The following CSNK1G1 variants were observed in gnomAD, a reference collection of about 807,000 sequenced individuals.
The protein encoded by CSNK1G1 is casein kinase I isoform gamma-1.
Under a neutral mutation model 59.6 loss-of-function variants are expected in CSNK1G1, and 22 were observed. The observed-to-expected ratio is 0.37, with a 90% confidence interval of 0.26 to 0.53. The LOEUF (loss-of-function observed/expected upper bound fraction) is 0.53, where lower values mean the gene tolerates loss of function less well. Among genes scored for constraint, CSNK1G1 ranks in the 20% least tolerant of loss-of-function variants. CSNK1G1 has a pLI of 0.89. For synonymous variants in CSNK1G1, 179 were observed against 177.1 expected, an observed-to-expected ratio of 1.01 and a Z score of -0.08; for missense variants, 384 against 519.5, an observed-to-expected ratio of 0.74 and a Z score of 2.54.
chr15:64,282,099 T>C (rs1566932541), intron 2 of CSNK1G1, among the ~76,000 whole-genome samples: 1 of 151,518 alleles, frequency 6.6e-6, no homozygotes. Context: ...TTTTTTTTTT[T>C]AACATTTTTT....
intron 1 of CSNK1G1, among the ~76,000 whole-genome samples, chr15:64,327,264 A>T (rs2140451155): frequency 6.6e-6 from 1 of 151,856 alleles, no homozygotes; most frequent in African/African-American, 2.4e-5. Context: ...CTGCAGACTT[A>T]AATGTCCCTG....
chr15:64,331,633 C>T (rs1405118894), intron 1 of CSNK1G1, among the ~76,000 whole-genome samples: 6 of 122,788 alleles, frequency 4.9e-5, no homozygotes, highest in African/African-American at 1.9e-4. Flanking sequence ...ACTTCATGTC[C>T]AAAACACCAA....
At position 64,251,590 on chromosome 15, in the gene CSNK1G1, C is replaced by CA. The variant is rs1428840444; in HGVS notation, c.223-10dup. 4 of 1,600,824 alleles carry CA rather than the reference C, an allele frequency of 2.5e-6. No individual in the cohort carries two copies. The highest frequency in any genetic ancestry group is 3.4e-6 in the Non-Finnish European group (4 of 1,170,602). On this transcript the variant is annotated splice_polypyrimidine_tract_variant and intron_variant, in intron 3 of 11. Transcript: ENST00000303052. ...CGTGATTTTATTGGTTCCTGAAATC[C>CA]AAAAAGAAAAACTGTGATCAGATTT...
At chr15:64,348,053 A>G (rs1898074974) in intron 1 of CSNK1G1, among the ~76,000 whole-genome samples, 1 of 148,336 alleles carries the variant, frequency 6.7e-6, no homozygotes, top group African/African-American at 2.5e-5. Flanking sequence ...TTGCTAAGTG[A>G]AAAAAAAAAC....
At chr15:64,280,807 T>C (rs757292709) in intron 2 of CSNK1G1, among the ~76,000 whole-genome samples, 5 of 152,318 alleles carry the variant, frequency 3.3e-5, no homozygotes, top group African/African-American at 4.8e-5. Flanking sequence ...CAAATGTCCA[T>C]TGATGAGTGA....
At chr15:64,312,012 T>G (rs889189216) in intron 1 of CSNK1G1, among the ~76,000 whole-genome samples, 2 of 152,152 alleles carry the variant, frequency 1.3e-5, no homozygotes, top group Non-Finnish European at 2.9e-5. Flanking sequence ...TTACAACTGC[T>G]ACTAAGAGAA....
chr15:64,267,152 G>A (rs537500873), intron 2 of CSNK1G1, among the ~76,000 whole-genome samples: 10 of 151,826 alleles, frequency 6.6e-5, no homozygotes, highest in African/African-American at 2.4e-4. Context: ...AGTTACTTGG[G>A]AGGCTGAGGC....
chr15:64,173,316 T>A (rs537301209), intron 11 of CSNK1G1, among the ~76,000 whole-genome samples: 2 of 152,340 alleles, frequency 1.3e-5, no homozygotes, highest in East Asian at 3.9e-4. Flanking sequence ...CAGAAACATT[T>A]ACACAGACCA....
intron 10 of CSNK1G1, among the ~76,000 whole-genome samples, chr15:64,196,474 C>T (rs2082040123): frequency 1.3e-5 from 2 of 148,870 alleles, no homozygotes; most frequent in South Asian, 2.1e-4. Context: ...TTTTTTGAGA[C>T]GGGTTTCACT....
intron 4 of CSNK1G1, among the ~76,000 whole-genome samples, chr15:64,229,914 T>A (rs796445996): frequency 3.7e-5 from 3 of 81,138 alleles, no homozygotes; most frequent in African/African-American, 1.3e-4. Flanking sequence ...TTTTTTTTTT[T>A]TTTTTTTTTT....
At chr15:64,219,011 C>T (rs773355209) in intron 4 of CSNK1G1, among the ~76,000 whole-genome samples, 1 of 151,942 alleles carries the variant, frequency 6.6e-6, no homozygotes, top group Non-Finnish European at 1.5e-5. Flanking sequence ...CACACCACCA[C>T]GCCCAGCTAA....
intron 11 of CSNK1G1, 24 bp downstream of exon 11, chr15:64,180,324 A>G: frequency 6.4e-7 from 1 of 1,563,282 alleles, no homozygotes; most frequent in Non-Finnish European, 8.8e-7. Context: ...ATGACTTAAG[A>G]GCCCCCTTGA....
intron 1 of CSNK1G1, among the ~76,000 whole-genome samples, chr15:64,315,341 G>T (rs1254990270): frequency 6.6e-6 from 1 of 152,192 alleles, no homozygotes; most frequent in Non-Finnish European, 1.5e-5. Context: ...ATTACAATGA[G>T]CAAAGTAAAG....
intron 2 of CSNK1G1, among the ~76,000 whole-genome samples, chr15:64,289,225 A>G (rs1450881916): frequency 6.6e-6 from 1 of 151,394 alleles, no homozygotes; most frequent in Non-Finnish European, 1.5e-5. Flanking sequence ...AAGCCTGGAA[A>G]TTTTACCATT....
chr15:64,280,841 T>A (rs1444473539), intron 2 of CSNK1G1, among the ~76,000 whole-genome samples: 1 of 152,160 alleles, frequency 6.6e-6, no homozygotes, highest in African/African-American at 2.4e-5. Context: ...ATATGATATA[T>A]ACATACAATG....
intron 1 of CSNK1G1, among the ~76,000 whole-genome samples, chr15:64,319,460 G>A (rs2414846): frequency 0.98 from 149,677 of 152,190 alleles, 73,647 homozygotes; most frequent in East Asian, 1. Flanking sequence ...CACTTTTAGA[G>A]TAAGTGCTTT....
At chr15:64,324,151 T>C (rs576155712) in intron 1 of CSNK1G1, among the ~76,000 whole-genome samples, 2 of 152,298 alleles carry the variant, frequency 1.3e-5, no homozygotes, top group Admixed American at 6.5e-5. Context: ...CTTACACTAC[T>C]ATGTATTTAT....
intron 4 of CSNK1G1, among the ~76,000 whole-genome samples, chr15:64,245,166 G>A (rs1891684900): frequency 6.6e-6 from 1 of 151,990 alleles, no homozygotes; most frequent in African/African-American, 2.4e-5. Context: ...AAACATTGGG[G>A]AAATGCTTCA....
chr15:64,309,246 G>A (rs946638341), intron 1 of CSNK1G1, among the ~76,000 whole-genome samples: 4 of 151,464 alleles, frequency 2.6e-5, no homozygotes. Context: ...AAAAACTGTT[G>A]TCACATTCAC....
Sources: gnomAD v4.1 joint callset for allele counts (sites outside exome capture counted in the v4.1 genomes callset) on GRCh38, gnomAD v4.1.1 for gene constraint, MANE v1.5 for transcripts, NCBI Gene and HGNC (gene_info 2026-07-23, HGNC 2026-07-21) for gene names.